SH3GL1: variants seen among roughly 807,000 people sequenced by gnomAD.
SH3GL1 encodes the protein SH3 domain containing GRB2 like 1, endophilin A2, also known as endophilin-A2.
A neutral mutation model predicts 48.8 loss-of-function variants in SH3GL1; 21 were observed. That is an observed-to-expected ratio of 0.43 (90% CI 0.30 to 0.62). The LOEUF (loss-of-function observed/expected upper bound fraction) is 0.62, where lower values mean the gene tolerates loss of function less well. SH3GL1 is among the 20% of genes least tolerant of loss of function. The pLI, the probability that SH3GL1 is intolerant of heterozygous loss-of-function variation, is 0.11. For synonymous variants in SH3GL1, 282 were observed against 217.5 expected, an observed-to-expected ratio of 1.30 and a Z score of -2.61; for missense variants, 454 against 503.0, an observed-to-expected ratio of 0.90 and a Z score of 0.93.
At chr19:4,373,913 C>T (rs191987061) in intron 1 of SH3GL1, among the ~76,000 whole-genome samples, 108 of 152,364 alleles carry the variant, frequency 7.1e-4, no homozygotes, top group Non-Finnish European at 3.1e-4. Flanking sequence ...CAGTCTAAAT[C>T]GCCTTGGGGG....
Position 4,376,938 on chromosome 19 carries a change from G to T in SH3GL1, c.46-9944C>A, listed in dbSNP as rs886411725. ...CCTCGCCACATCCCACCCCTTGACA[G>T]CAGCTAAGCTCCGGGGGCAGCAACT... On this transcript the variant is annotated intron_variant, in intron 1 of 9. Transcript: ENST00000269886. This position sits in a 1 kb window ranked among gnomAD's most constrained non-coding sequence, Gnocchi z 4.3. Among the ~76,000 whole-genome samples, 1 of 152,192 alleles carries T rather than the reference G, an allele frequency of 6.6e-6. No individual in the cohort carries two copies. Among genetic ancestry groups the T allele is most frequent in the African/African-American group, 2.4e-5 (1 of 41,440 alleles).
chr19:4,369,285 T>A (rs1335851218), intron 1 of SH3GL1, among the ~76,000 whole-genome samples: 1 of 152,192 alleles, frequency 6.6e-6, no homozygotes, highest in African/African-American at 2.4e-5. Flanking sequence ...TCACTTCTTT[T>A]GATTGTGGCG....
At chr19:4,365,451 G>A (rs749665239) in intron 4 of SH3GL1, 31 bp downstream of exon 4, 26 of 1,612,286 alleles carry the variant, frequency 1.6e-5, no homozygotes, top group Non-Finnish European at 1.5e-5. Context: ...TCCAGGGACG[G>A]TGGGCGTGGC....
intron 1 of SH3GL1, among the ~76,000 whole-genome samples, chr19:4,380,984 G>A (rs781418917): frequency 2.0e-5 from 3 of 152,098 alleles, no homozygotes; most frequent in Non-Finnish European, 4.4e-5. Context: ...GTTGATTTCA[G>A]GGATGAGAGC....
chr19:4,388,271 G>T (rs1047732552), intron 1 of SH3GL1, among the ~76,000 whole-genome samples: 4 of 152,206 alleles, frequency 2.6e-5, no homozygotes, highest in Admixed American at 2.0e-4. Flanking sequence ...ATCAGCTAAT[G>T]GGTTCAAGCT....
intron 1 of SH3GL1, among the ~76,000 whole-genome samples, chr19:4,396,785 A>C (rs897987160): frequency 4.6e-5 from 7 of 152,158 alleles, no homozygotes; most frequent in African/African-American, 1.7e-4. Context: ...AATATCGTCT[A>C]CCTACTAGTA....
intron 3 of SH3GL1, among the ~76,000 whole-genome samples, chr19:4,366,291 G>A (rs557603741): frequency 6.6e-5 from 10 of 152,266 alleles, no homozygotes; most frequent in South Asian, 4.1e-4. Context: ...GGAACCAGTC[G>A]GCATGAGAGT....
chr19:4,366,451 C>T (rs1246616756), intron 3 of SH3GL1, 50 bp downstream of exon 3: 10 of 1,433,628 alleles, frequency 7.0e-6, no homozygotes, highest in Non-Finnish European at 9.7e-6. Flanking sequence ...CCCTCTGACA[C>T]AGAGGCCAGA....
intron 1 of SH3GL1, among the ~76,000 whole-genome samples, chr19:4,375,429 A>G (rs954781066): frequency 6.6e-6 from 1 of 152,220 alleles, no homozygotes; most frequent in African/African-American, 2.4e-5. Context: ...GGGGAGGGGC[A>G]ACGCCCCAGG....
At chr19:4,394,725 G>A (rs559702808) in intron 1 of SH3GL1, among the ~76,000 whole-genome samples, 108 of 152,240 alleles carry the variant, frequency 7.1e-4, no homozygotes, top group African/African-American at 2.5e-3. Context: ...GCATCCTCCC[G>A]GCCTCTGTTG....
rs145863417 is a variant in SH3GL1 at position 4,360,533 on chromosome 19, C to T, written c.*1067G>A. On this transcript the variant is annotated 3_prime_UTR_variant, in exon 10 of 10. Coordinates refer to ENST00000269886, the MANE Select transcript of SH3GL1 (RefSeq NM_003025.4). ...AGCAGAGCCTGGGGTCCGGAGGCTTCACTGGACCACAGGGGGAGGGGAATG... is the reference window on the plus strand; with the variant it reads ...AGCAGAGCCTGGGGTCCGGAGGCTTTACTGGACCACAGGGGGAGGGGAATG... 6.2e-3 allele frequency: 1,454 copies of T among 233,800 alleles called. 10 individuals are homozygous for T. The highest frequency in any genetic ancestry group is 9.6e-3 in the Non-Finnish European group (1,142 of 118,464). 14.5% of individuals were successfully genotyped at this position (233,800 alleles called of 1,614,324 possible). A position where few individuals can be genotyped will look rare whatever the true frequency, so the allele number is the denominator to read the frequency against.
At chr19:4,387,080 G>A (rs564580254) in intron 1 of SH3GL1, among the ~76,000 whole-genome samples, 3 of 152,084 alleles carry the variant, frequency 2.0e-5, no homozygotes, top group Non-Finnish European at 2.9e-5. Flanking sequence ...GGGACTACAG[G>A]TGCCCGCCAC....
Position 4,362,745 on chromosome 19 carries a change from G to A in SH3GL1, c.729-9C>T. On this transcript the variant is annotated splice_polypyrimidine_tract_variant and intron_variant, in intron 7 of 9. Coordinates refer to ENST00000269886, the MANE Select transcript of SH3GL1 (RefSeq NM_003025.4). ...AGGAAGCTTCCCGCATCCTGTGAAG[G>A]GAGAGGCGTGAGTGGACCGAGCCCG... is the stretch of plus-strand genomic sequence containing the variant. 5 of 1,613,756 alleles carry A rather than the reference G, an allele frequency of 3.1e-6. No individual in the cohort carries two copies. The highest frequency in any genetic ancestry group is 1.1e-5 in the South Asian group (1 of 91,088).
chr19:4,390,371 A>C (rs1973313889), intron 1 of SH3GL1: 1 of 152,664 alleles, frequency 6.6e-6, no homozygotes, highest in Non-Finnish European at 1.5e-5. Flanking sequence ...GGCGAGAGAT[A>C]GAGAAAGAGA....
intron 1 of SH3GL1, among the ~76,000 whole-genome samples, chr19:4,379,057 C>G (rs1973068369): frequency 6.6e-6 from 1 of 152,226 alleles, no homozygotes; most frequent in African/African-American, 2.4e-5. Flanking sequence ...AGATCAGCCA[C>G]AGAGTCAAGT....
chr19:4,373,533 C>G (rs1364269911), intron 1 of SH3GL1, among the ~76,000 whole-genome samples: 1 of 152,246 alleles, frequency 6.6e-6, no homozygotes, highest in Non-Finnish European at 1.5e-5. Context: ...AAACCAGACG[C>G]TGCCACCATG....
In SH3GL1 at chr19:4,400,219, C is replaced by T; in HGVS notation, c.45+105G>A. The T allele has an allele frequency of 2.4e-6, 3 of 1,268,782 alleles. No individual in the cohort carries two copies. 78.6% of individuals were successfully genotyped at this position (1,268,782 alleles called of 1,614,324 possible). The stretch of plus-strand genomic sequence containing the variant: ...CTGGCAGGGGACACGCGCCAACGTC[C>T]CCACCTCGGTCCCCCCGGCCCCCTC... On this transcript the variant is annotated intron_variant, in intron 1 of 9. Coordinates refer to ENST00000269886, the MANE Select transcript of SH3GL1 (RefSeq NM_003025.4). The surrounding 1 kb of genome is among the most constrained non-coding windows in gnomAD (Gnocchi z 4.1).
rs747269278 is a variant in SH3GL1 at position 4,361,571 on chromosome 19, CGGAGG to C, written c.*24_*28del. ...AGCAGGGGGTGCCGGCCAGTGTGGACGGAGGGGCGGGGCGGGGACACGGGTGAGTC... is the reference window on the plus strand; with the variant it reads ...AGCAGGGGGTGCCGGCCAGTGTGGACGGCGGGGCGGGGACACGGGTGAGTC... On this transcript the variant is annotated 3_prime_UTR_variant, in exon 10 of 10. Transcript: ENST00000269886. 1.2e-5 allele frequency: 19 copies of C among 1,539,692 alleles called. No homozygotes were observed. The highest frequency in any genetic ancestry group is 9.5e-5 in the African/African-American group (7 of 73,808).
At position 4,362,615 on chromosome 19, in the gene SH3GL1, C is replaced by T. The variant is rs138726702; in HGVS notation, c.850G>A (p.Ala284Thr). 191 of 1,613,640 alleles carry T rather than the reference C, an allele frequency of 1.2e-4. 1 individual carries two copies. The East Asian group carries it at 3.7e-3, about 31-fold the overall frequency. ...GFPCTTAPKI[A>T]ASSSFRSSDK... ...AGAGGGCTCCATGCCCCATTACCTGCGATCTTGGGGGCTGTGGTGCAGGGG... is the reference window on the plus strand; with the variant it reads ...AGAGGGCTCCATGCCCCATTACCTGTGATCTTGGGGGCTGTGGTGCAGGGG... Residue 284 changes from alanine (A) to threonine (T), a missense_variant, in exon 8 of 10, where the codon GCA becomes ACA. Ala to Thr is a moderately conservative substitution (Grantham distance 58). This residue lies in a region of SH3GL1 where 278 missense variants were observed against 246.8 expected (regional missense o/e 1.13). Transcript: ENST00000269886.
Sources: gnomAD v4.1 joint callset for allele counts (sites outside exome capture counted in the v4.1 genomes callset) on GRCh38, gnomAD v4.1.1 for gene constraint, gnomAD v4.1.1 regional missense constraint, Gnocchi (gnomAD v3.1) non-coding constraint, MANE v1.5 for transcripts, NCBI Gene and HGNC (gene_info 2026-07-23, HGNC 2026-07-21) for gene names.